The following PATL1 variants were observed in gnomAD, a reference collection of about 807,000 sequenced individuals.
The protein encoded by PATL1 is PAT1 homolog 1, processing body mRNA decay factor, also known as protein PAT1 homolog 1.
In PATL1, 32 loss-of-function variants were observed where a neutral mutation model predicts 100.6. That is an observed-to-expected ratio of 0.32 (90% CI 0.24 to 0.43). The LOEUF (loss-of-function observed/expected upper bound fraction) is 0.43. PATL1 is among the 20% of genes least tolerant of loss of function. The pLI, the probability that PATL1 is intolerant of heterozygous loss-of-function variation, is 1.00. For synonymous variants in PATL1, 332 were observed against 330.0 expected, an observed-to-expected ratio of 1.01 and a Z score of -0.07; for missense variants, 747 against 949.9, an observed-to-expected ratio of 0.79 and a Z score of 2.81.
Position 59,658,864 on chromosome 11 carries a change from A to G in PATL1, c.426+2T>C. ...TTTATGTAAAGAGAAAATATTTAATACCTGAGCAAGCAGTGGTCCTCGGAT... is the reference window on the plus strand; with the variant it reads ...TTTATGTAAAGAGAAAATATTTAATGCCTGAGCAAGCAGTGGTCCTCGGAT... On this transcript the variant is annotated splice_donor_variant, in intron 4 of 18. Coordinates refer to ENST00000300146, the MANE Select transcript of PATL1 (RefSeq NM_152716.3). LOFTEE classifies it high-confidence loss of function. The G allele has an allele frequency of 6.5e-7, 1 of 1,544,222 alleles. No homozygotes were observed. The highest frequency in any genetic ancestry group is 1.2e-5 in the South Asian group (1 of 82,386).
chr11:59,658,226 T>C (rs139030212), intron 4 of PATL1, among the ~76,000 whole-genome samples: 60 of 151,800 alleles, frequency 4.0e-4, no homozygotes, highest in Non-Finnish European at 6.3e-4. Context: ...AGAAATTCCA[T>C]TGTATTGTTC....
Position 59,643,005 on chromosome 11 carries a change from G to C in PATL1, c.1924C>G (p.Leu642Val), listed in dbSNP as rs747567731. 1 of 1,613,846 alleles carries C rather than the reference G, an allele frequency of 6.2e-7. No individual in the cohort carries two copies. Among genetic ancestry groups the C allele is most frequent in the African/African-American group, 1.3e-5 (1 of 74,922 alleles). Residue 642 changes from leucine to valine, a missense_variant, in exon 16 of 19, where the codon CTC becomes GTC. By Grantham distance (32) the Leu-to-Val change is conservative (BLOSUM62 1). Coordinates refer to ENST00000300146, the MANE Select transcript of PATL1 (RefSeq NM_152716.3). ...VLPCLLSPFS[L>V]LLYHLPSVSI... ...ACTGATGGAAGATGATAGAGAAGGA[G>C]AGAGAAGGGACTCAGTAAGCATGGC... is the stretch of plus-strand genomic sequence containing the variant.
chr11:59,652,631 A>C, intron 10 of PATL1, 44 bp from the exon 11 acceptor site: 1 of 1,601,318 alleles, frequency 6.2e-7, no homozygotes, highest in Non-Finnish European at 8.5e-7. Flanking sequence ...AGCACAGAAC[A>C]CGACTGTTGT....
intron 11 of PATL1, among the ~76,000 whole-genome samples, 187 bp from the exon 12 acceptor site, chr11:59,651,828 G>A (rs961224227): frequency 4.6e-5 from 7 of 151,874 alleles, no homozygotes; most frequent in African/African-American, 1.7e-4. Flanking sequence ...ACTTTGGGAG[G>A]CCGAGGGGGG....
At position 59,655,989 on chromosome 11, in the gene PATL1, G is replaced by C. The variant is rs773684830; in HGVS notation, c.780C>G (p.Pro260=). The C allele has an allele frequency of 1.9e-6, 3 of 1,601,542 alleles. No homozygotes were observed. Among genetic ancestry groups the C allele is most frequent in the Non-Finnish European group, 1.7e-6 (2 of 1,175,176 alleles). ...CTCCAAGAAGCTGTGCTCTCTGGAG[G>C]GGGCTGAGAACAGGAGGAACACTAG... is the stretch of plus-strand genomic sequence containing the variant. ...FPPSVPPVLS[P]LQRAQLLGGA... is the part of the protein sequence containing the mutation. The change falls in exon 7 of 19, where the codon CCC becomes CCG. Residue 260 remains proline (P), a synonymous_variant. Transcript: ENST00000300146.
chr11:59,650,013 C>A (rs531351380), intron 13 of PATL1, among the ~76,000 whole-genome samples: 2 of 151,376 alleles, frequency 1.3e-5, no homozygotes, highest in Non-Finnish European at 2.9e-5. Context: ...CCCAGCTACG[C>A]AGGTGGCTGA....
chr11:59,650,127 G>GAAAA (rs755879524), intron 13 of PATL1, among the ~76,000 whole-genome samples: 8 of 61,608 alleles, frequency 1.3e-4, no homozygotes, highest in Non-Finnish European at 1.9e-4. Context: ...ATCTCAAAAG[G>GAAAA]AAAAAAAAAA....
chr11:59,659,741 T>C (rs948308092), intron 2 of PATL1, among the ~76,000 whole-genome samples: 1 of 152,054 alleles, frequency 6.6e-6, no homozygotes, highest in Non-Finnish European at 1.5e-5. Context: ...GGTTTCACCA[T>C]GCTGGCCAGG....
At chr11:59,638,911 G>A in intron 18 of PATL1, 137 bp downstream of exon 18, 1 of 970,546 alleles carries the variant, frequency 1.0e-6, no homozygotes, top group Non-Finnish European at 1.5e-6. Context: ...TGGAACTCCT[G>A]GCCTCAAGTG....
chr11:59,655,609 G>C lies in PATL1; in HGVS notation c.945C>G (p.Phe315Leu). 1 of 1,594,320 alleles carries C rather than the reference G, an allele frequency of 6.3e-7. No individual in the cohort carries two copies. Among genetic ancestry groups the C allele is most frequent in the Non-Finnish European group, 8.5e-7 (1 of 1,170,218 alleles). ...VGQMLPPAPG[F>L]RAFFSAPPSA... ...AGGGTGGAGCACTAAAGAAGGCACG[G>C]AAGCCTGGTGCTGGGGGAAGCATCT... is the stretch of plus-strand genomic sequence containing the variant. The change falls in exon 8 of 19, where the codon TTC (phenylalanine) becomes TTG (leucine). Residue 315 changes from phenylalanine to leucine, a missense_variant. By Grantham distance (22) the Phe-to-Leu change is conservative. Coordinates refer to ENST00000300146, the MANE Select transcript of PATL1 (RefSeq NM_152716.3).
At position 59,638,288 on chromosome 11, in the gene PATL1, G is replaced by T; in HGVS notation, c.*102C>A. ...ATCGATCCCACAAGACTTTGCTTTG[G>T]GGAAAAAGCTACCTTCCTTCCCTCA... On this transcript the variant is annotated 3_prime_UTR_variant, in exon 19 of 19. Coordinates refer to ENST00000300146, the MANE Select transcript of PATL1 (RefSeq NM_152716.3). 2.5e-6 allele frequency: 3 copies of T among 1,220,486 alleles called. No homozygotes were observed. Among genetic ancestry groups the T allele is most frequent in the East Asian group, 2.4e-5 (1 of 40,944 alleles). 75.6% of individuals were successfully genotyped at this position (1,220,486 alleles called of 1,614,324 possible). A position where few individuals can be genotyped will look rare whatever the true frequency, so the allele number is the denominator to read the frequency against.
intron 16 of PATL1, chr11:59,639,645 C>A: frequency 3.1e-6 from 1 of 326,930 alleles, no homozygotes; most frequent in Non-Finnish European, 5.6e-6. Flanking sequence ...CCTCTCTGTT[C>A]CCCATGCTGA....
intron 8 of PATL1, among the ~76,000 whole-genome samples, chr11:59,654,502 A>G (rs2134751663): frequency 6.6e-6 from 1 of 151,788 alleles, no homozygotes; most frequent in Admixed American, 6.6e-5. Context: ...AAAAAAAAAA[A>G]AAAAAAGAGT....
chr11:59,662,241 G>A (rs1861636129), intron 2 of PATL1, among the ~76,000 whole-genome samples: 1 of 152,180 alleles, frequency 6.6e-6, no homozygotes, highest in African/African-American at 2.4e-5. Context: ...TGCCATCACT[G>A]GGATAAAGAC....
chr11:59,637,567 G>T lies in PATL1; in HGVS notation c.*823C>A, dbSNP rs1444672585. On this transcript the variant is annotated 3_prime_UTR_variant, in exon 19 of 19. Transcript: ENST00000300146. Reference sequence around the variant, plus strand: ...GACTTCGAATGCACTTGAGGGGAAAGGCTCAAGTACCCTGTAGTTGTAGCA... The same window carrying T: ...GACTTCGAATGCACTTGAGGGGAAATGCTCAAGTACCCTGTAGTTGTAGCA... The T allele has an allele frequency of 6.6e-6, 1 of 152,622 alleles. No homozygotes were observed. Among genetic ancestry groups the T allele is most frequent in the Non-Finnish European group, 1.5e-5 (1 of 68,050 alleles). 9.5% of individuals were successfully genotyped at this position (152,622 alleles called of 1,614,324 possible).
intron 5 of PATL1, 90 bp from the exon 6 acceptor site, chr11:59,656,690 C>T (rs983848291): frequency 1.2e-5 from 13 of 1,126,120 alleles, no homozygotes; most frequent in Admixed American, 6.2e-5. Flanking sequence ...GGTAGAGACA[C>T]GAACTCAATG....
intron 14 of PATL1, among the ~76,000 whole-genome samples, chr11:59,648,185 CTTT>C (rs887689437): frequency 2.3e-5 from 3 of 130,478 alleles, no homozygotes; most frequent in Non-Finnish European, 1.6e-5. Context: ...AACTTTTTTT[CTTT>C]TTTTTTTTTT....
At chr11:59,640,364 A>T (rs1008442051) in intron 16 of PATL1, among the ~76,000 whole-genome samples, 2 of 151,356 alleles carry the variant, frequency 1.3e-5, no homozygotes, top group African/African-American at 4.9e-5. Context: ...AAAAAGTAAC[A>T]TATAAAAATG....
intron 8 of PATL1, among the ~76,000 whole-genome samples, chr11:59,654,274 C>T (rs930508912): frequency 7.2e-5 from 11 of 151,882 alleles, no homozygotes; most frequent in African/African-American, 2.4e-4. Flanking sequence ...GTCAGGAGTT[C>T]GAGACCAGCC....
Sources: allele counts gnomAD v4.1 joint callset (sites outside exome capture counted in the v4.1 genomes callset), GRCh38; gene constraint gnomAD v4.1.1; transcripts MANE v1.5; gene names NCBI Gene and HGNC (gene_info 2026-07-23, HGNC 2026-07-21).